FKBP1B: variants seen among roughly 807,000 people sequenced by gnomAD.
FKBP1B encodes the protein FKBP prolyl isomerase 1B, also known as peptidyl-prolyl cis-trans isomerase FKBP1B.
A neutral mutation model predicts 13.5 loss-of-function variants in FKBP1B; 4 were observed. The observed-to-expected ratio is 0.30, with a 90% CI of 0.15 to 0.68. The LOEUF is 0.68. Ranked by LOEUF, FKBP1B falls within the 30% of genes least tolerant of loss-of-function variation. The probability of loss-of-function intolerance (pLI) is 0.76; values close to 1 mark genes in which losing one functional copy is unlikely to be tolerated. For synonymous variants in FKBP1B, 54 were observed against 53.6 expected (o/e 1.01, Z -0.03); for missense variants, 93 against 136.2 (o/e 0.68, Z 1.58).
chr2:24,034,332 A>G, the FKBP1B span, among the ~76,000 whole-genome samples: 1 of 152,144 alleles, frequency 6.6e-6, no homozygotes, highest in African/African-American at 2.4e-5. Flanking sequence ...GAGGCAGAGA[A>G]TCGCTTGAAC....
At chr2:24,059,003 A>G (rs1664256608) in intron 2 of FKBP1B, among the ~76,000 whole-genome samples, 1 of 152,226 alleles carries the variant, frequency 6.6e-6, no homozygotes, top group Admixed American at 6.5e-5. Flanking sequence ...AGCATCATAG[A>G]TGCTCCTACA....
At chr2:24,046,980 G>A (rs1012217822), upstream of FKBP1B, among the ~76,000 whole-genome samples, 1 of 152,120 alleles carries the variant, frequency 6.6e-6, no homozygotes, top group Non-Finnish European at 1.5e-5. Context: ...GCTCCTAGCT[G>A]TACCCAACTT....
chr2:24,062,710 T>G (rs1481239291), intron 3 of FKBP1B, among the ~76,000 whole-genome samples: 3 of 152,190 alleles, frequency 2.0e-5, no homozygotes, highest in African/African-American at 7.2e-5. Context: ...ACGTGTGCTA[T>G]TCATACACCC....
the FKBP1B span, among the ~76,000 whole-genome samples, chr2:24,041,858 C>CA: frequency 2.5e-4 from 23 of 93,226 alleles, no homozygotes; most frequent in South Asian, 3.8e-4. Flanking sequence ...AACTCTGTCT[C>CA]AAAAAAAAAA....
chr2:24,047,906 T>C (rs1424692481), upstream of FKBP1B, among the ~76,000 whole-genome samples: 1 of 152,230 alleles, frequency 6.6e-6, no homozygotes, highest in African/African-American at 2.4e-5. Flanking sequence ...CTTAGGCTTC[T>C]TCAGACCTAT....
chr2:24,057,397 G>T (rs949882021), intron 2 of FKBP1B, among the ~76,000 whole-genome samples: 1 of 151,452 alleles, frequency 6.6e-6, no homozygotes, highest in African/African-American at 2.4e-5. Context: ...GTGTGTGATG[G>T]AGTTTTGCTA....
chr2:24,052,708 T>C (rs1301907637), intron 1 of FKBP1B, among the ~76,000 whole-genome samples: 2 of 152,220 alleles, frequency 1.3e-5, no homozygotes, highest in East Asian at 3.8e-4. Context: ...GGCTCATGCC[T>C]ATAATCTCAG....
At chr2:24,052,490 C>T (rs1207422582) in intron 1 of FKBP1B, among the ~76,000 whole-genome samples, 1 of 152,164 alleles carries the variant, frequency 6.6e-6, no homozygotes, top group Non-Finnish European at 1.5e-5. Flanking sequence ...CAGTATTTTG[C>T]TCATCCTTCA....
the FKBP1B span, among the ~76,000 whole-genome samples, chr2:24,037,051 G>A: frequency 2.0e-5 from 3 of 152,272 alleles, no homozygotes; most frequent in South Asian, 2.1e-4. Flanking sequence ...TCTTTGAGAC[G>A]GAGTCTCGCC....
At chr2:24,061,461 A>G (rs1428963329) in intron 3 of FKBP1B, among the ~76,000 whole-genome samples, 3 of 152,180 alleles carry the variant, frequency 2.0e-5, no homozygotes, top group African/African-American at 4.8e-5. Flanking sequence ...CAAAAAAACA[A>G]AACAAAAAAA....
chr2:24,053,752 G>T (rs763182025), intron 1 of FKBP1B, 150 bp from the exon 2 acceptor site: 2 of 752,418 alleles, frequency 2.7e-6, no homozygotes, highest in Non-Finnish European at 4.7e-6. Flanking sequence ...ATTCTGGCTC[G>T]TACAGGGCCC....
chr2:24,058,577 AGAAAG>A (rs1235288167), intron 2 of FKBP1B, among the ~76,000 whole-genome samples: 3 of 152,230 alleles, frequency 2.0e-5, no homozygotes, highest in African/African-American at 7.2e-5. Context: ...CTAAGGAATG[AGAAAG>A]GAAAGTCGGT....
intron 1 of FKBP1B, among the ~76,000 whole-genome samples, chr2:24,051,333 CAA>C (rs568507946): frequency 2.1e-5 from 3 of 141,084 alleles, no homozygotes; most frequent in Non-Finnish European, 1.5e-5. Flanking sequence ...GACTCTATCT[CAA>C]AAAAAAAAAA....
the FKBP1B span, chr2:24,038,662 G>A: frequency 1.1e-5 from 17 of 1,614,172 alleles, no homozygotes; most frequent in African/African-American, 2.1e-4. Context: ...TTCTAAATAG[G>A]AAGAAGAAAC....
chr2:24,034,674 G>T, the FKBP1B span, among the ~76,000 whole-genome samples: 2 of 150,418 alleles, frequency 1.3e-5, no homozygotes, highest in Non-Finnish European at 2.9e-5. Flanking sequence ...CCTCAGCTTA[G>T]GTGATCCTCA....
chr2:24,057,219 C>A (rs550437748), intron 2 of FKBP1B, among the ~76,000 whole-genome samples: 7 of 151,722 alleles, frequency 4.6e-5, no homozygotes, highest in African/African-American at 1.5e-4. Context: ...GGATCTCACT[C>A]TGTTACCCAG....
upstream of FKBP1B, among the ~76,000 whole-genome samples, chr2:24,048,190 T>A (rs569601782): frequency 5.9e-5 from 9 of 152,178 alleles, no homozygotes; most frequent in Non-Finnish European, 1.3e-4. Context: ...TTTCTTTTTT[T>A]AAAAATAAAG....
upstream of FKBP1B, among the ~76,000 whole-genome samples, chr2:24,045,449 A>G (rs571587179): frequency 3.8e-4 from 58 of 151,970 alleles, no homozygotes; most frequent in African/African-American, 1.4e-3. Flanking sequence ...TAAAAATACA[A>G]TATTAGCTGG....
At chr2:24,038,985 C>T in the FKBP1B span, 1 of 1,614,194 alleles carries the variant, frequency 6.2e-7, no homozygotes, top group Non-Finnish European at 8.5e-7. Flanking sequence ...CCACCACCAG[C>T]CTCAGGCCAT....
Sources: allele counts gnomAD v4.1 joint callset (sites outside exome capture counted in the v4.1 genomes callset), GRCh38; gene constraint gnomAD v4.1.1; transcripts MANE v1.5; gene names NCBI Gene and HGNC (gene_info 2026-07-23, HGNC 2026-07-21).